DOCK2: variants seen among roughly 807,000 people sequenced by gnomAD.
DOCK2 encodes the protein dedicator of cytokinesis protein 2.
A neutral mutation model predicts 248.9 loss-of-function variants in DOCK2; 87 were observed. The ratio of observed to expected loss-of-function variants is 0.35; its 90% CI spans 0.29 to 0.42. The LOEUF (loss-of-function observed/expected upper bound fraction) is 0.42, where lower values mean the gene tolerates loss of function less well. Ranked by LOEUF, DOCK2 falls within the 10% of genes least tolerant of loss-of-function variation. The pLI is 1.00. For synonymous variants in DOCK2, 805 were observed against 821.6 expected (o/e 0.98, Z 0.35); for missense variants, 1,747 against 2,300.2 (o/e 0.76, Z 4.92).
At chr5:169,827,068 A>G (rs141932566) in intron 26 of DOCK2, among the ~76,000 whole-genome samples, 126 of 152,262 alleles carry the variant, frequency 8.3e-4, no homozygotes, top group Non-Finnish European at 7.3e-5. Flanking sequence ...CTTTTGTAGA[A>G]TAACAATACT....
intron 27 of DOCK2, among the ~76,000 whole-genome samples, chr5:169,974,442 C>A (rs1777641293): frequency 6.6e-6 from 1 of 152,150 alleles, no homozygotes; most frequent in Admixed American, 6.5e-5. Flanking sequence ...GGAGGCTTAG[C>A]CTAGTATCTA....
intron 22 of DOCK2, among the ~76,000 whole-genome samples, chr5:169,746,490 C>A (rs1452299135): frequency 6.6e-6 from 1 of 152,144 alleles, no homozygotes; most frequent in Non-Finnish European, 1.5e-5. Context: ...GCGTGTAGGG[C>A]TGTGACAGGA....
At chr5:169,672,877 A>G (rs1169383166) in intron 5 of DOCK2, among the ~76,000 whole-genome samples, 2 of 152,196 alleles carry the variant, frequency 1.3e-5, no homozygotes, top group Non-Finnish European at 2.9e-5. Flanking sequence ...GTTTTATTAT[A>G]AAGAATGTAA....
intron 22 of DOCK2, among the ~76,000 whole-genome samples, chr5:169,732,216 A>G (rs577553858): frequency 8.6e-4 from 131 of 152,312 alleles, no homozygotes; most frequent in Non-Finnish European, 1.5e-3. Flanking sequence ...AGCATGAGCC[A>G]CAGCATTTTA....
intron 27 of DOCK2, among the ~76,000 whole-genome samples, chr5:169,933,637 G>C (rs905779524): frequency 1.4e-4 from 22 of 152,158 alleles, no homozygotes; most frequent in African/African-American, 5.3e-4. Context: ...CCTTCCTTGT[G>C]AGGAGTAACA....
chr5:170,008,212 AC>A (rs1200511879), intron 30 of DOCK2, among the ~76,000 whole-genome samples: 1,532 of 68,248 alleles, frequency 0.022, 37 homozygotes, highest in African/African-American at 0.097. Context: ...AACAACAACA[AC>A]AACAACAACA....
intron 1 of DOCK2, among the ~76,000 whole-genome samples, chr5:169,645,568 T>C (rs2113116558): frequency 6.6e-6 from 1 of 152,344 alleles, no homozygotes; most frequent in East Asian, 1.9e-4. Flanking sequence ...ATTCTGTAGG[T>C]TGCCTGTTCA....
At chr5:170,018,330 G>A (rs1755606769) in intron 32 of DOCK2, among the ~76,000 whole-genome samples, 1 of 152,120 alleles carries the variant, frequency 6.6e-6, no homozygotes, top group African/African-American at 2.4e-5. Flanking sequence ...TTGCTGTGGG[G>A]GAAGCAAGGT....
At chr5:170,055,447 C>A (rs1581561507) in intron 42 of DOCK2, 61 bp downstream of exon 42, 2 of 1,495,168 alleles carry the variant, frequency 1.3e-6, no homozygotes, top group East Asian at 4.5e-5. Flanking sequence ...GGCCACCAAA[C>A]TGAGCTGGTG....
At chr5:169,803,797 T>C (rs1421909066) in intron 26 of DOCK2, among the ~76,000 whole-genome samples, 10 of 151,440 alleles carry the variant, frequency 6.6e-5, no homozygotes, top group African/African-American at 2.4e-4. Context: ...TCAGTGGGAG[T>C]AAGTGGAGGG....
chr5:169,831,395 A>G (rs1769222356), intron 26 of DOCK2, among the ~76,000 whole-genome samples: 1 of 152,180 alleles, frequency 6.6e-6, no homozygotes, highest in East Asian at 1.9e-4. Context: ...GCGTTTAGGT[A>G]TTATAAACAA....
Position 169,698,459 on chromosome 5 carries a change from T to A in DOCK2, c.1055+10T>A, listed in dbSNP as rs371977539. On this transcript the variant is annotated intron_variant, in intron 11 of 51. Transcript: ENST00000520908. Reference sequence around the variant, plus strand: ...TCATTCCTTTTCACCCGTAAGACATTTCCCATTTCTTTCCATTCTCTTCAA... The same window carrying A: ...TCATTCCTTTTCACCCGTAAGACATATCCCATTTCTTTCCATTCTCTTCAA... 1 of 1,613,620 alleles carries A rather than the reference T, an allele frequency of 6.2e-7. No homozygotes were observed. The highest frequency in any genetic ancestry group is 1.3e-5 in the African/African-American group (1 of 74,928).
In DOCK2 at chr5:169,894,564, G is replaced by C. The variant is rs186808596; in HGVS notation, c.2799+53712G>C. The stretch of plus-strand genomic sequence containing the variant: ...AAGAATTTTCACAAGGGGAAGAGAA[G>C]GGGGGAAGTTTATGGTCTGATCTAA... On this transcript the variant is annotated intron_variant, in intron 27 of 51. Coordinates refer to ENST00000520908, the MANE Select transcript of DOCK2 (RefSeq NM_004946.3). Among the ~76,000 whole-genome samples the C allele has an allele frequency of 2.4e-3, 357 of 150,404 alleles. 1 individual carries two copies. The highest frequency in any genetic ancestry group is 7.8e-3 in the African/African-American group (323 of 41,430).
At chr5:170,065,197 T>C (rs959081098) in intron 44 of DOCK2, among the ~76,000 whole-genome samples, 29 of 152,164 alleles carry the variant, frequency 1.9e-4, no homozygotes, top group Admixed American at 1.7e-3. Context: ...TAGCCAGTTA[T>C]ATGTATGTTT....
At chr5:169,997,503 T>C (rs1456545382) in intron 30 of DOCK2, among the ~76,000 whole-genome samples, 1 of 136,324 alleles carries the variant, frequency 7.3e-6, no homozygotes, top group African/African-American at 2.9e-5. Flanking sequence ...GGGAGAAACC[T>C]TGGACAATAC....
chr5:169,730,639 A>G (rs1338897935), intron 22 of DOCK2, among the ~76,000 whole-genome samples: 2 of 152,156 alleles, frequency 1.3e-5, no homozygotes, highest in Non-Finnish European at 2.9e-5. Context: ...GATATATAGG[A>G]CATAAACTGT....
At chr5:169,996,491 AC>A (rs1754640190) in intron 30 of DOCK2, among the ~76,000 whole-genome samples, 1 of 152,188 alleles carries the variant, frequency 6.6e-6, no homozygotes, top group South Asian at 2.1e-4. Context: ...ATTCTCTGGA[AC>A]CAAAAGGGCA....
intron 27 of DOCK2, among the ~76,000 whole-genome samples, chr5:169,899,595 G>A (rs1249834066): frequency 6.6e-6 from 1 of 152,196 alleles, no homozygotes; most frequent in African/African-American, 2.4e-5. Flanking sequence ...CAGGTTTGGA[G>A]CAGGACTAGG....
intron 1 of DOCK2, among the ~76,000 whole-genome samples, chr5:169,647,888 A>G (rs115060467): frequency 2.6e-5 from 4 of 152,034 alleles, no homozygotes; most frequent in Non-Finnish European, 5.9e-5. Flanking sequence ...TGTCTCTTCG[A>G]CTAGATTTCA....
Sources: gnomAD v4.1 joint callset for allele counts (sites outside exome capture counted in the v4.1 genomes callset) on GRCh38, gnomAD v4.1.1 for gene constraint, MANE v1.5 for transcripts, NCBI Gene and HGNC (gene_info 2026-07-23, HGNC 2026-07-21) for gene names.